PDE9A: variants seen among roughly 807,000 people sequenced by gnomAD.
PDE9A encodes the protein phosphodiesterase 9A, also known as high affinity cGMP-specific 3',5'-cyclic phosphodiesterase 9A.
In PDE9A, 60 loss-of-function variants were observed where a neutral mutation model predicts 87.4. The ratio of observed to expected loss-of-function variants is 0.69; its 90% CI spans 0.56 to 0.85. The LOEUF (loss-of-function observed/expected upper bound fraction) is 0.85. PDE9A is among the 40% of genes least tolerant of loss of function. The pLI is 0.00. For synonymous variants in PDE9A, 272 were observed against 279.4 expected (o/e 0.97, Z 0.27); for missense variants, 665 against 779.0 (o/e 0.85, Z 1.74).
intron 1 of PDE9A, among the ~76,000 whole-genome samples, chr21:42,668,055 C>T (rs543734124): frequency 3.3e-5 from 5 of 152,152 alleles, no homozygotes; most frequent in Admixed American, 2.6e-4. Flanking sequence ...TCCCCTGCCT[C>T]CCCGCTGGGG....
intron 4 of PDE9A, among the ~76,000 whole-genome samples, chr21:42,726,615 TATATATATA>T (rs1364015834): frequency 0.13 from 5,490 of 42,920 alleles, 510 homozygotes; most frequent in East Asian, 0.33. Context: ...TATATATATA[TATATATATA>T]TTTTTTTTTT....
chr21:42,677,441 C>T (rs1404820954), intron 1 of PDE9A, among the ~76,000 whole-genome samples: 1 of 152,100 alleles, frequency 6.6e-6, no homozygotes, highest in Non-Finnish European at 1.5e-5. Context: ...CCTGGTTTAC[C>T]AGCTTTATGG....
At chr21:42,765,201 G>A (rs2056278299) in intron 14 of PDE9A, among the ~76,000 whole-genome samples, 180 bp from the exon 15 acceptor site, 1 of 152,220 alleles carries the variant, frequency 6.6e-6, no homozygotes, top group Admixed American at 6.5e-5. Context: ...TGGATGAATG[G>A]ATGGGTTTTT....
intron 18 of PDE9A, among the ~76,000 whole-genome samples, 194 bp from the exon 19 acceptor site, chr21:42,772,245 C>T (rs1019099148): frequency 2.0e-5 from 3 of 152,204 alleles, no homozygotes; most frequent in African/African-American, 7.2e-5. Flanking sequence ...GATGAGGCAC[C>T]AAGGGTAGCG....
At chr21:42,762,957 T>C (rs1249943132) in intron 14 of PDE9A, among the ~76,000 whole-genome samples, 1 of 152,100 alleles carries the variant, frequency 6.6e-6, no homozygotes, top group East Asian at 1.9e-4. Context: ...CCTCCCAAAG[T>C]GCTGGGATTA....
rs1488809335 is a variant in PDE9A at position 42,695,166 on chromosome 21, C to T, written c.219-3802C>T. ...GAAAATAGGCTGATTGGCTTCCACT[C>T]CCTTTTAGAGCTGGCAAGAAAAATA... On this transcript the variant is annotated intron_variant, in intron 3 of 19. Coordinates refer to ENST00000291539, the MANE Select transcript of PDE9A (RefSeq NM_002606.3). The surrounding 1 kb of genome is among the most constrained non-coding windows in gnomAD (Gnocchi z 4.3). 6.6e-6 allele frequency among the ~76,000 whole-genome samples: 1 copy of T among 152,230 alleles called. No homozygotes were observed. The highest frequency in any genetic ancestry group is 1.9e-4 in the East Asian group (1 of 5,206).
At chr21:42,670,452 TCA>T (rs370500853) in intron 1 of PDE9A, among the ~76,000 whole-genome samples, 2,043 of 150,684 alleles carry the variant, frequency 0.014, 50 homozygotes, top group African/African-American at 0.046. Context: ...TTATACACAG[TCA>T]CACAGACTTG....
At chr21:42,665,627 G>A (rs546102745) in intron 1 of PDE9A, among the ~76,000 whole-genome samples, 5 of 152,150 alleles carry the variant, frequency 3.3e-5, no homozygotes, top group Non-Finnish European at 7.4e-5. Flanking sequence ...GCCCTGGCCG[G>A]CCCTTGCTGA....
At chr21:42,743,739 G>T (rs746085295) in intron 7 of PDE9A, 37 bp from the exon 8 acceptor site, 1 of 1,349,672 alleles carries the variant, frequency 7.4e-7, no homozygotes. Flanking sequence ...ACATTCGTCC[G>T]TGGTAACCCC....
chr21:42,704,038 G>A lies in PDE9A; in HGVS notation c.262+5027G>A, dbSNP rs1243203635. Among the ~76,000 whole-genome samples the A allele has an allele frequency of 6.6e-6, 1 of 152,196 alleles. No homozygotes were observed. Among genetic ancestry groups the A allele is most frequent in the Non-Finnish European group, 1.5e-5 (1 of 68,032 alleles). ...ATCTCGAGAAGGTGGTCAGGGCCCA[G>A]GCTCCCGCCAGCCCTCACGGCAGCA... On this transcript the variant is annotated intron_variant, in intron 4 of 19. Coordinates refer to ENST00000291539, the MANE Select transcript of PDE9A (RefSeq NM_002606.3). The surrounding 1 kb of genome is among the most constrained non-coding windows in gnomAD (Gnocchi z 5.3).
intron 1 of PDE9A, among the ~76,000 whole-genome samples, chr21:42,666,111 C>T (rs1160028311): frequency 1.3e-5 from 2 of 152,140 alleles, no homozygotes; most frequent in African/African-American, 2.4e-5. Flanking sequence ...GGGGTGGGGG[C>T]GTGGCCACCA....
Position 42,772,471 on chromosome 21 carries a change from G to T in PDE9A, c.1719G>T (p.Gly573=), listed in dbSNP as rs1292169634. The T allele has an allele frequency of 3.1e-6, 5 of 1,610,444 alleles. No individual in the cohort carries two copies. Among genetic ancestry groups the T allele is most frequent in the Non-Finnish European group, 4.2e-6 (5 of 1,178,824 alleles). ...LQKKTDSLTS[G]ATEKSRERSR... ...AGAAGACTGACAGCTTGACGTCTGG[G>T]GCCACCGAGAAGTCCAGAGAGAGAA... is the stretch of plus-strand genomic sequence containing the variant. The change falls in exon 19 of 20, where the codon GGG becomes GGT. Residue 573 remains glycine (G), a synonymous_variant. Coordinates refer to ENST00000291539, the MANE Select transcript of PDE9A (RefSeq NM_002606.3).
At chr21:42,726,614 A>ATT (rs1393206123) in intron 4 of PDE9A, among the ~76,000 whole-genome samples, 12 of 22,588 alleles carry the variant, frequency 5.3e-4, no homozygotes, top group African/African-American at 3.8e-3. Flanking sequence ...ATATATATAT[A>ATT]TATATATATA....
Position 42,731,901 on chromosome 21 carries a change from C to A in PDE9A, c.394C>A (p.Pro132Thr). The A allele has an allele frequency of 6.2e-7, 1 of 1,614,112 alleles. No individual in the cohort carries two copies. The highest frequency in any genetic ancestry group is 8.5e-7 in the Non-Finnish European group (1 of 1,179,966). The part of the protein sequence containing the change: ...AFESGQVEPR[P>T]REPQGCYQEG... ...TGAAAGTGGACAGGTAGAGCCCAGGCCCAGAGAGCCCCAGGGCTGCTACCA... is the reference window on the plus strand; with the variant it reads ...TGAAAGTGGACAGGTAGAGCCCAGGACCAGAGAGCCCCAGGGCTGCTACCA... Residue 132 changes from proline to threonine, a missense_variant, in exon 5 of 20, where the codon CCC (proline) becomes ACC (threonine). Physicochemically the swap from Pro to Thr is conservative, Grantham distance 38. Coordinates refer to ENST00000291539, the MANE Select transcript of PDE9A (RefSeq NM_002606.3).
At chr21:42,706,701 A>G (rs1343120615) in intron 4 of PDE9A, among the ~76,000 whole-genome samples, 2 of 151,986 alleles carry the variant, frequency 1.3e-5, no homozygotes, top group East Asian at 1.9e-4. Context: ...TTGTTGTGCA[A>G]CCATCACCAC....
At chr21:42,729,988 T>G (rs576177790) in intron 4 of PDE9A, among the ~76,000 whole-genome samples, 1 of 152,304 alleles carries the variant, frequency 6.6e-6, no homozygotes, top group African/African-American at 2.4e-5. Context: ...TGCTGTTGGG[T>G]GAAGTGGTCT....
At chr21:42,680,566 G>C (rs1236756691) in intron 1 of PDE9A, among the ~76,000 whole-genome samples, 1 of 152,248 alleles carries the variant, frequency 6.6e-6, no homozygotes, top group Non-Finnish European at 1.5e-5. Flanking sequence ...CAACCGACCA[G>C]AGCCCCGGGT....
At chr21:42,712,865 C>T (rs1280719356) in intron 4 of PDE9A, among the ~76,000 whole-genome samples, 2 of 152,160 alleles carry the variant, frequency 1.3e-5, no homozygotes, top group African/African-American at 4.8e-5. Context: ...CAGTACCTTT[C>T]TGCATCTATG....
At position 42,731,751 on chromosome 21, in the gene PDE9A, T is replaced by A. The variant is rs753808744; in HGVS notation, c.263-19T>A. 2 of 1,606,108 alleles carry A rather than the reference T, an allele frequency of 1.2e-6. No homozygotes were observed. Among genetic ancestry groups the A allele is most frequent in the African/African-American group, 2.7e-5 (2 of 74,638 alleles). Reference sequence around the variant, plus strand: ...AAACTTCCCATATTTGGAAACCCAGTCCTGCCTGCTTTTTATAGCTGGTGT... The same window carrying A: ...AAACTTCCCATATTTGGAAACCCAGACCTGCCTGCTTTTTATAGCTGGTGT... On this transcript the variant is annotated intron_variant, in intron 4 of 19. Transcript: ENST00000291539.
Sources: allele counts gnomAD v4.1 joint callset (sites outside exome capture counted in the v4.1 genomes callset), GRCh38; gene constraint gnomAD v4.1.1; non-coding constraint Gnocchi (gnomAD v3.1); transcripts MANE v1.5; gene names NCBI Gene and HGNC (gene_info 2026-07-23, HGNC 2026-07-21).